The following TPST1 variants were observed in gnomAD, a reference collection of about 807,000 sequenced individuals.
The protein encoded by TPST1 is tyrosylprotein sulfotransferase 1.
Under a neutral mutation model 34.8 loss-of-function variants are expected in TPST1, and 20 were observed. The observed-to-expected ratio is 0.57, with a 90% CI of 0.40 to 0.84. The LOEUF (loss-of-function observed/expected upper bound fraction) is 0.84, where lower values mean the gene tolerates loss of function less well. Ranked by LOEUF, TPST1 falls within the 40% of genes least tolerant of loss-of-function variation. The pLI, the probability that TPST1 is intolerant of heterozygous loss-of-function variation, is 0.00. For missense variants in TPST1, 353 were observed against 455.5 expected (o/e 0.78, Z 2.05); for synonymous variants, 152 against 159.4 (o/e 0.95, Z 0.35).
chr7:66,344,945 C>T lies in TPST1; in HGVS notation c.1045-7560C>T, dbSNP rs1351313615. Among the ~76,000 whole-genome samples the T allele has an allele frequency of 1.2e-3, 170 of 139,580 alleles. 1 individual carries two copies. Among genetic ancestry groups the T allele is most frequent in the African/African-American group, 4.4e-3 (164 of 37,504 alleles). 91.6% of individuals were successfully genotyped at this position (139,580 alleles called of 152,430 possible). Reference sequence around the variant, plus strand: ...TTCACCATGTTAGCCGGGATGGTCTCGATCTCCTGACCTTGTGATCCGCCC... The same window carrying T: ...TTCACCATGTTAGCCGGGATGGTCTTGATCTCCTGACCTTGTGATCCGCCC... On this transcript the variant is annotated intron_variant, in intron 3 of 5. Transcript: ENST00000304842.
Position 66,328,859 on chromosome 7 carries a change from G to GCTCTCTCTCTCTCT in TPST1, c.1045-23631_1045-23618dup, listed in dbSNP as rs755431410. The stretch of plus-strand genomic sequence containing the variant: ...CTCTTTCTCACTCTCTCTCTCTCCC[G>GCTCTCTCTCTCTCT]CTCTCTCTCTCTCTCTCTCTCTCTC... On this transcript the variant is annotated intron_variant, in intron 3 of 5. Coordinates refer to ENST00000304842, the MANE Select transcript of TPST1 (RefSeq NM_003596.4). Among the ~76,000 whole-genome samples, 57 of 18,408 alleles carry GCTCTCTCTCTCTCT rather than the reference G, an allele frequency of 3.1e-3. 2 individuals carry two copies. The highest frequency in any genetic ancestry group is 4.2e-3 in the Non-Finnish European group (43 of 10,178). 12.1% of individuals were successfully genotyped at this position (18,408 alleles called of 152,430 possible).
intron 3 of TPST1, chr7:66,344,220 A>T (rs1792296389): frequency 6.6e-6 from 1 of 152,150 alleles, no homozygotes; most frequent in Non-Finnish European, 1.5e-5. Flanking sequence ...ACAGAGAGAG[A>T]TCTGTTGACT....
At chr7:66,284,490 TAATC>T (rs1293803008) in intron 2 of TPST1, among the ~76,000 whole-genome samples, 4 of 152,000 alleles carry the variant, frequency 2.6e-5, no homozygotes, top group Non-Finnish European at 4.4e-5. Flanking sequence ...AAATATTAAT[TAATC>T]ATAGACTCCT....
chr7:66,257,757 A>G (rs1790408390), intron 2 of TPST1, among the ~76,000 whole-genome samples: 1 of 152,158 alleles, frequency 6.6e-6, no homozygotes, highest in African/African-American at 2.4e-5. Context: ...CTGAGGGACA[A>G]TGTTCTTAAG....
chr7:66,346,919 G>A (rs1584258509), intron 3 of TPST1, among the ~76,000 whole-genome samples: 2 of 151,886 alleles, frequency 1.3e-5, no homozygotes, highest in East Asian at 3.8e-4. Context: ...GTCCTGGAGA[G>A]TTTTCCAAAT....
intron 1 of TPST1, among the ~76,000 whole-genome samples, chr7:66,214,097 ACAT>A (rs1172117697): frequency 6.6e-6 from 1 of 152,150 alleles, no homozygotes; most frequent in African/African-American, 2.4e-5. Flanking sequence ...ATATAGTTGT[ACAT>A]CATTACCACA....
At position 66,265,759 on chromosome 7, in the gene TPST1, C is replaced by T. The variant is rs146579331; in HGVS notation, c.846-20752C>T. ...CTTTAAAGCGGCAAGAGAAAAGCAGCTCATCATGTACAGGGTAACCTCAGT... is the reference window on the plus strand; with the variant it reads ...CTTTAAAGCGGCAAGAGAAAAGCAGTTCATCATGTACAGGGTAACCTCAGT... On this transcript the variant is annotated intron_variant, in intron 2 of 5. Coordinates refer to ENST00000304842, the MANE Select transcript of TPST1 (RefSeq NM_003596.4). 3.9e-3 allele frequency among the ~76,000 whole-genome samples: 590 copies of T among 152,150 alleles called. 5 individuals carry two copies. Among genetic ancestry groups the T allele is most frequent in the African/African-American group, 0.014 (572 of 41,444 alleles).
At chr7:66,281,554 T>C (rs544217399) in intron 2 of TPST1, among the ~76,000 whole-genome samples, 1 of 152,246 alleles carries the variant, frequency 6.6e-6, no homozygotes, top group African/African-American at 2.4e-5. Flanking sequence ...GAATTTCTAT[T>C]GTATATACAT....
At chr7:66,304,047 G>A (rs1258555969) in intron 3 of TPST1, among the ~76,000 whole-genome samples, 1 of 152,170 alleles carries the variant, frequency 6.6e-6, no homozygotes, top group Non-Finnish European at 1.5e-5. Flanking sequence ...GAAACATTGA[G>A]CCACTGTTAA....
chr7:66,285,307 G>A (rs1167099897), intron 2 of TPST1, among the ~76,000 whole-genome samples: 1 of 152,144 alleles, frequency 6.6e-6, no homozygotes, highest in Non-Finnish European at 1.5e-5. Context: ...CTGGGCAAAC[G>A]AGGATGTTCT....
intron 3 of TPST1, among the ~76,000 whole-genome samples, chr7:66,303,858 C>T (rs753964073): frequency 2.6e-5 from 4 of 152,082 alleles, no homozygotes; most frequent in Non-Finnish European, 4.4e-5. Flanking sequence ...AAACCTTACA[C>T]GTAGAAAAAG....
intron 2 of TPST1, among the ~76,000 whole-genome samples, chr7:66,250,498 T>G (rs1732434927): frequency 6.6e-6 from 1 of 152,082 alleles, no homozygotes; most frequent in South Asian, 2.1e-4. Context: ...TGACCTTGAG[T>G]GAGTTATTTG....
intron 2 of TPST1, among the ~76,000 whole-genome samples, chr7:66,242,495 A>T (rs1313470868): frequency 6.6e-6 from 1 of 152,180 alleles, no homozygotes; most frequent in Admixed American, 6.5e-5. Flanking sequence ...CAAGCTTTCA[A>T]TTATTGATTA....
chr7:66,231,420 G>A (rs1047051024), intron 1 of TPST1, among the ~76,000 whole-genome samples: 1 of 152,212 alleles, frequency 6.6e-6, no homozygotes, highest in African/African-American at 2.4e-5. Context: ...GGTGGCACTT[G>A]TCAGGGAAGC....
chr7:66,216,530 C>T (rs1045207923), intron 1 of TPST1, among the ~76,000 whole-genome samples: 14 of 150,212 alleles, frequency 9.3e-5, no homozygotes, highest in South Asian at 2.1e-4. Flanking sequence ...AGTGTAGTGG[C>T]GCGATCTTGG....
intron 1 of TPST1, among the ~76,000 whole-genome samples, chr7:66,222,064 A>G (rs1789554139): frequency 6.6e-6 from 1 of 152,224 alleles, no homozygotes; most frequent in South Asian, 2.1e-4. Context: ...TAAGAAAGAT[A>G]TCACTAGTTA....
chr7:66,230,223 C>G (rs1470101266), intron 1 of TPST1, among the ~76,000 whole-genome samples: 1 of 152,144 alleles, frequency 6.6e-6, no homozygotes, highest in Non-Finnish European at 1.5e-5. Flanking sequence ...TCTTCATCTT[C>G]CCCCACCCTC....
chr7:66,230,977 T>C (rs1318620616), intron 1 of TPST1, among the ~76,000 whole-genome samples: 2 of 152,106 alleles, frequency 1.3e-5, no homozygotes, highest in African/African-American at 2.4e-5. Flanking sequence ...AGAGTGTCGA[T>C]TGGTGCATTC....
chr7:66,234,075 C>T lies in TPST1; in HGVS notation c.-101-6250C>T, dbSNP rs564076015. 7.9e-5 allele frequency among the ~76,000 whole-genome samples: 12 copies of T among 152,260 alleles called. No individual in the cohort carries two copies. The East Asian group carries it at 2.3e-3, about 29-fold the overall frequency. On this transcript the variant is annotated intron_variant, in intron 1 of 5. Transcript: ENST00000304842. ...GTTTCACCATTTTGGCCAGGCTGGT[C>T]TCAAACTCTTGACCTCAGGTGATCC...
Sources: allele counts gnomAD v4.1 joint callset (sites outside exome capture counted in the v4.1 genomes callset), GRCh38; gene constraint gnomAD v4.1.1; transcripts MANE v1.5; gene names NCBI Gene and HGNC (gene_info 2026-07-23, HGNC 2026-07-21).